The following RASAL2 variants were observed in gnomAD, a reference collection of about 807,000 sequenced individuals.
The protein encoded by RASAL2 is ras GTPase-activating protein nGAP.
RASAL2 carries 58 observed loss-of-function variants against 128.9 expected under a neutral mutation model. That is an observed-to-expected ratio of 0.45 (90% CI 0.36 to 0.56). The LOEUF is 0.56. Among genes scored for constraint, RASAL2 ranks in the 20% least tolerant of loss-of-function variants. The pLI is 0.00. For synonymous variants in RASAL2, 561 were observed against 580.8 expected, an observed-to-expected ratio of 0.97 and a Z score of 0.49; for missense variants, 1,360 against 1,601.6, an observed-to-expected ratio of 0.85 and a Z score of 2.57.
At chr1:178,296,153 G>A (rs1571802918) in intron 2 of RASAL2, among the ~76,000 whole-genome samples, 1 of 125,400 alleles carries the variant, frequency 8.0e-6, no homozygotes, top group Admixed American at 7.5e-5. Context: ...GTATATATGT[G>A]TATATATATG....
intron 5 of RASAL2, among the ~76,000 whole-genome samples, chr1:178,432,832 A>G (rs912573303): frequency 6.6e-6 from 1 of 152,118 alleles, no homozygotes; most frequent in African/African-American, 2.4e-5. Context: ...GATTACTACC[A>G]TAATCAATGA....
chr1:178,373,562 A>G (rs1031941534), intron 3 of RASAL2, among the ~76,000 whole-genome samples: 1 of 151,772 alleles, frequency 6.6e-6, no homozygotes, highest in Non-Finnish European at 1.5e-5. Flanking sequence ...AATCACTTAG[A>G]CTCTACTACA....
chr1:178,426,748 G>A lies in RASAL2; in HGVS notation c.674+6128G>A, dbSNP rs189543445. 2.4e-4 allele frequency among the ~76,000 whole-genome samples: 37 copies of A among 152,026 alleles called. No individual in the cohort carries two copies. In the South Asian group the frequency reaches 2.5e-3, roughly 10 times the overall value. On this transcript the variant is annotated intron_variant, in intron 5 of 17. Coordinates refer to ENST00000367649, the MANE Select transcript of RASAL2 (RefSeq NM_170692.4). ...GAGCAATGTCTTGAAAATTCTGAGCGGAAATTATTTTCAACCCAATATTCC... is the reference window on the plus strand; with the variant it reads ...GAGCAATGTCTTGAAAATTCTGAGCAGAAATTATTTTCAACCCAATATTCC...
intron 1 of RASAL2, among the ~76,000 whole-genome samples, chr1:178,129,140 TTAACCTTTTG>T (rs1660005577): frequency 6.6e-6 from 1 of 152,140 alleles, no homozygotes; most frequent in African/African-American, 2.4e-5. Flanking sequence ...CACTCTATGT[TTAACCTTTTG>T]AGGAAATGCC....
At chr1:178,370,020 G>C (rs1426366444) in intron 3 of RASAL2, among the ~76,000 whole-genome samples, 4 of 152,186 alleles carry the variant, frequency 2.6e-5, no homozygotes, top group African/African-American at 4.8e-5. Context: ...GTTCAATATT[G>C]TCAGATGTAT....
intron 3 of RASAL2, among the ~76,000 whole-genome samples, chr1:178,360,583 T>C (rs1232225553): frequency 6.6e-6 from 1 of 152,228 alleles, no homozygotes; most frequent in Non-Finnish European, 1.5e-5. Context: ...CTTTGCATTC[T>C]TGTTCTTCCA....
intron 1 of RASAL2, among the ~76,000 whole-genome samples, chr1:178,258,291 C>G (rs1375002982): frequency 8.5e-6 from 1 of 117,402 alleles, no homozygotes; most frequent in African/African-American, 3.3e-5. Context: ...AAGACTGCAT[C>G]TCAAAAAAAA....
At chr1:178,151,344 G>T (rs1317442737) in intron 1 of RASAL2, among the ~76,000 whole-genome samples, 2 of 152,156 alleles carry the variant, frequency 1.3e-5, no homozygotes, top group African/African-American at 2.4e-5. Context: ...AACGGAGGTT[G>T]CAGTGAGCCG....
At chr1:178,432,303 G>A (rs1675965596) in intron 5 of RASAL2, among the ~76,000 whole-genome samples, 9 of 151,776 alleles carry the variant, frequency 5.9e-5, no homozygotes, top group Admixed American at 5.9e-4. Flanking sequence ...TTCTGAAACT[G>A]CTCTTGCCAA....
At chr1:178,154,294 G>GCAT (rs1247089808) in intron 1 of RASAL2, among the ~76,000 whole-genome samples, 1 of 151,990 alleles carries the variant, frequency 6.6e-6, no homozygotes, top group Non-Finnish European at 1.5e-5. Flanking sequence ...CTATAACTAT[G>GCAT]CATCACCACA....
At chr1:178,215,254 C>A (rs1663387763) in intron 1 of RASAL2, among the ~76,000 whole-genome samples, 1 of 152,206 alleles carries the variant, frequency 6.6e-6, no homozygotes, top group Non-Finnish European at 1.5e-5. Context: ...TTCTTAGCCT[C>A]TCTTTCATTA....
At chr1:178,311,279 C>G (rs1307461847) in intron 3 of RASAL2, among the ~76,000 whole-genome samples, 1 of 151,698 alleles carries the variant, frequency 6.6e-6, no homozygotes, top group African/African-American at 2.4e-5. Flanking sequence ...CACACACACA[C>G]ACACACACAT....
intron 1 of RASAL2, among the ~76,000 whole-genome samples, chr1:178,155,775 G>A (rs1661065955): frequency 6.6e-6 from 1 of 151,934 alleles, no homozygotes; most frequent in African/African-American, 2.4e-5. Flanking sequence ...TACTCTACAG[G>A]ACTTTGTTGA....
chr1:178,416,091 G>T (rs1263510952), intron 4 of RASAL2, among the ~76,000 whole-genome samples: 1 of 151,986 alleles, frequency 6.6e-6, no homozygotes, highest in African/African-American at 2.4e-5. Flanking sequence ...AACCATATTT[G>T]TTAACTGTTT....
chr1:178,308,782 C>A (rs1421372868), intron 3 of RASAL2, among the ~76,000 whole-genome samples: 2 of 151,868 alleles, frequency 1.3e-5, no homozygotes, highest in Non-Finnish European at 2.9e-5. Context: ...TTGGTTTAAA[C>A]CCTGGCCCTT....
chr1:178,372,292 G>C, intron 3 of RASAL2: 1 of 985,340 alleles, frequency 1.0e-6, no homozygotes, highest in Non-Finnish European at 1.2e-6. Context: ...TAGTAGCACC[G>C]AAGAAGAGAA....
At chr1:178,164,772 T>C (rs897517545) in intron 1 of RASAL2, among the ~76,000 whole-genome samples, 5 of 149,354 alleles carry the variant, frequency 3.3e-5, no homozygotes, top group Admixed American at 1.4e-4. Flanking sequence ...TTCCATTTCA[T>C]GAGACCACAG....
Position 178,094,794 on chromosome 1 carries a change from G to T in RASAL2, c.202+100G>T, listed in dbSNP as rs571075192. 66 of 1,406,022 alleles carry T rather than the reference G, an allele frequency of 4.7e-5. No individual in the cohort carries two copies. In the African/African-American group the frequency reaches 8.3e-4, roughly 18 times the overall value. The allele number at this position is 1,406,022 out of a possible 1,614,324, so 87.1% of individuals were successfully genotyped here. On this transcript the variant is annotated intron_variant, in intron 1 of 17. Transcript: ENST00000367649. ...AGGCTCATTCCCAGTCCTCATCCGT[G>T]CTAGGTCAGTTTCCCACATCCCTTT...
At chr1:178,121,596 C>T (rs1174614156) in intron 1 of RASAL2, among the ~76,000 whole-genome samples, 1 of 152,068 alleles carries the variant, frequency 6.6e-6, no homozygotes, top group Admixed American at 6.6e-5. Context: ...GGTGATTCTC[C>T]TGCCTCAGCC....
Sources: allele counts gnomAD v4.1 joint callset (sites outside exome capture counted in the v4.1 genomes callset), GRCh38; gene constraint gnomAD v4.1.1; transcripts MANE v1.5; gene names NCBI Gene and HGNC (gene_info 2026-07-23, HGNC 2026-07-21).